The following ZNF841 variants were observed in gnomAD, a reference collection of about 807,000 sequenced individuals.
ZNF841 encodes the protein TCONS_00006091.
Under a neutral mutation model 13.0 loss-of-function variants are expected in ZNF841, and 11 were observed. The observed-to-expected ratio is 0.85, with a 90% CI of 0.53 to 1.40. The LOEUF (loss-of-function observed/expected upper bound fraction) is 1.40. ZNF841 is among the 40% of genes most tolerant of loss of function. The pLI is 0.00. For missense variants in ZNF841, 1,068 were observed against 1,139.5 expected (o/e 0.94, Z 0.90); for synonymous variants, 369 against 381.6 (o/e 0.97, Z 0.38).
chr19:52,095,439 G>A (rs2088637682), intron 1 of ZNF841, 136 bp downstream of exon 1: 1 of 152,262 alleles, frequency 6.6e-6, no homozygotes, highest in African/African-American at 2.4e-5. Context: ...ACTTGGCGCG[G>A]GGCCCAAGCA....
downstream of ZNF841, among the ~76,000 whole-genome samples, chr19:52,061,566 GAC>G (rs2087397551): frequency 1.3e-5 from 2 of 151,398 alleles, no homozygotes; most frequent in African/African-American, 2.4e-5. Context: ...TCTTTTTTGA[GAC>G]AGAGTTTTGC....
Position 52,065,721 on chromosome 19 carries a change from T to C in ZNF841, c.2161A>G (p.Lys721Glu), listed in dbSNP as rs746140267. ...CSECGRTFSHKTSLVYHQRRH... is the reference protein window; with the variant it reads ...CSECGRTFSHETSLVYHQRRH... ...CTCTGATGGTACACCAGACTTGTTT[T>C]ATGACTAAAAGTTCTACCACATTCA... The change falls in exon 7 of 7, where the codon AAA becomes GAA. Residue 721 changes from lysine to glutamate, a missense_variant. Coordinates refer to ENST00000594440, the MANE Select transcript of ZNF841 (RefSeq NM_001136499.2). The C allele has an allele frequency of 1.2e-5, 20 of 1,605,336 alleles. No individual in the cohort carries two copies. The highest frequency in any genetic ancestry group is 1.4e-5 in the Non-Finnish European group (16 of 1,175,344).
chr19:52,094,401 C>T (rs1036185381), intron 1 of ZNF841, among the ~76,000 whole-genome samples: 1 of 152,146 alleles, frequency 6.6e-6, no homozygotes. Context: ...TCATTCTGAG[C>T]GTCTTTTTTT....
intron 6 of ZNF841, among the ~76,000 whole-genome samples, chr19:52,074,853 A>C (rs2087848607): frequency 6.6e-6 from 1 of 152,166 alleles, no homozygotes; most frequent in South Asian, 2.1e-4. Context: ...TGCTAGCTCA[A>C]AAAAGAGGAC....
Position 52,067,203 on chromosome 19 carries a change from A to T in ZNF841, c.679T>A (p.Phe227Ile). ...GAAATGTTGGTTTGGACACCAGGAAAAATTCTTTGAAGTGGTGAAGCTAAA... is the reference window on the plus strand; with the variant it reads ...GAAATGTTGGTTTGGACACCAGGAATAATTCTTTGAAGTGGTGAAGCTAAA... Reference protein sequence around the residue: ...CFLASPLQRIFPGVQTNISRK... With the variant: ...CFLASPLQRIIPGVQTNISRK... The change falls in exon 7 of 7, where the codon TTT becomes ATT. Residue 227 changes from phenylalanine to isoleucine, a missense_variant. By Grantham distance (21) the Phe-to-Ile change is conservative (BLOSUM62 0). Coordinates refer to ENST00000594440, the MANE Select transcript of ZNF841 (RefSeq NM_001136499.2). 6.5e-7 allele frequency: 1 copy of T among 1,550,342 alleles called. No individual in the cohort carries two copies. Among genetic ancestry groups the T allele is most frequent in the Non-Finnish European group, 8.7e-7 (1 of 1,146,580 alleles).
chr19:52,061,536 T>C (rs1426111977), downstream of ZNF841, among the ~76,000 whole-genome samples: 1 of 151,236 alleles, frequency 6.6e-6, no homozygotes, highest in Non-Finnish European at 1.5e-5. Flanking sequence ...TTATAGATGA[T>C]CCCCCCCACT....
At chr19:52,076,207 T>A (rs1357935372) in intron 5 of ZNF841, 35 bp from the exon 6 acceptor site, 1 of 1,544,890 alleles carries the variant, frequency 6.5e-7, no homozygotes, top group Non-Finnish European at 8.7e-7. Flanking sequence ...TGTCCCACGG[T>A]TTTTCCAGAA....
chr19:52,090,659 G>C (rs2088449062), intron 2 of ZNF841, among the ~76,000 whole-genome samples: 1 of 109,036 alleles, frequency 9.2e-6, no homozygotes, highest in South Asian at 3.1e-4. Flanking sequence ...AGGAAGGAAA[G>C]AAAGAAAGAA....
rs1167116252 is a variant in ZNF841, at chr19:52,076,365, C to A, written c.143-193G>T. 6.0e-6 allele frequency: 4 copies of A among 662,762 alleles called. No individual in the cohort carries two copies. The East Asian group carries it at 1.4e-4, about 23-fold the overall frequency. The allele number at this position is 662,762 out of a possible 1,614,324, so 41.1% of individuals were successfully genotyped here. A position where few individuals can be genotyped will look rare whatever the true frequency, so the allele number is the denominator to read the frequency against. On this transcript the variant is annotated intron_variant, in intron 5 of 6. Transcript: ENST00000594440. ...AGCTCTCTCCCAAGAAATACTGAAT[C>A]AAAAACACAGGGATAGGCCAAGCAT...
At chr19:52,094,996 TCA>T (rs2088622427) in intron 1 of ZNF841, among the ~76,000 whole-genome samples, 1 of 152,132 alleles carries the variant, frequency 6.6e-6, no homozygotes, top group African/African-American at 2.4e-5. Flanking sequence ...TCTTTTCTCC[TCA>T]GTTTTTCCTT....
rs760716014 is a variant in ZNF841 at position 52,065,614 on chromosome 19, C to T, written c.2268G>A (p.Arg756=). The T allele has an allele frequency of 8.7e-6, 14 of 1,612,374 alleles. No individual in the cohort carries two copies. The highest frequency in any genetic ancestry group is 1.1e-5 in the Non-Finnish European group (13 of 1,179,236). Residue 756 remains arginine (R), a synonymous_variant, in exon 7 of 7, where the codon CGG becomes CGA. Coordinates refer to ENST00000594440, the MANE Select transcript of ZNF841 (RefSeq NM_001136499.2). ...AAGGTTTCTCTCCAGTATGAATTCT[C>T]CGATGCCTTGCCAGGGTTGTAGTGG... ...FNSTTTLARH[R]RIHTGEKPYK...
At chr19:52,062,977 A>G (rs976727859), downstream of ZNF841, among the ~76,000 whole-genome samples, 1 of 151,242 alleles carries the variant, frequency 6.6e-6, no homozygotes, top group East Asian at 2.0e-4. Flanking sequence ...CCGGGTTCAA[A>G]CAATTCTCAT....
chr19:52,073,959 A>G (rs1458690468), intron 6 of ZNF841, among the ~76,000 whole-genome samples: 1 of 152,234 alleles, frequency 6.6e-6, no homozygotes, highest in East Asian at 1.9e-4. Context: ...TAAGATAGTA[A>G]CTTAAAAAAT....
chr19:52,087,606 C>T (rs1202131463), intron 3 of ZNF841, among the ~76,000 whole-genome samples: 2 of 152,048 alleles, frequency 1.3e-5, no homozygotes, highest in Admixed American at 6.5e-5. Context: ...CCAGACCAAG[C>T]CAGAATGAAG....
At chr19:52,069,932 A>C (rs551867968) in intron 6 of ZNF841, among the ~76,000 whole-genome samples, 1 of 152,246 alleles carries the variant, frequency 6.6e-6, no homozygotes, top group Non-Finnish European at 1.5e-5. Context: ...ACACGTTATT[A>C]AACAAATTTG....
Position 52,065,667 on chromosome 19 carries a change from A to C in ZNF841, c.2215T>G (p.Cys739Gly). The change falls in exon 7 of 7, where the codon TGT becomes GGT. Residue 739 changes from cysteine to glycine, a missense_variant. Cys to Gly is a radical substitution (Grantham distance 159). Coordinates refer to ENST00000594440, the MANE Select transcript of ZNF841 (RefSeq NM_001136499.2). ...TTAAAGACTTTCCCACATTCAATAC[A>C]TTTGTATGGCATCTCTCCAGTATGT... ...RRHTGEMPYK[C>G]IECGKVFNST... The C allele has an allele frequency of 6.2e-7, 1 of 1,604,586 alleles. No individual in the cohort carries two copies.
At chr19:52,068,959 G>A (rs762438202) in intron 6 of ZNF841, among the ~76,000 whole-genome samples, 8 of 152,162 alleles carry the variant, frequency 5.3e-5, no homozygotes, top group South Asian at 2.1e-4. Context: ...GCAACAGAGC[G>A]AGACTGCCTC....
chr19:52,076,514 G>A (rs1379368775), intron 5 of ZNF841: 2 of 297,720 alleles, frequency 6.7e-6, no homozygotes, highest in Non-Finnish European at 1.3e-5. Flanking sequence ...GCATGGTGTT[G>A]CACACCCACA....
intron 3 of ZNF841, among the ~76,000 whole-genome samples, chr19:52,087,075 G>C (rs2088300043): frequency 1.3e-5 from 2 of 152,234 alleles, no homozygotes; most frequent in African/African-American, 4.8e-5. Flanking sequence ...TTTAGGGTCT[G>C]TGTGTGTGCA....
Sources: allele counts gnomAD v4.1 joint callset (sites outside exome capture counted in the v4.1 genomes callset), GRCh38; gene constraint gnomAD v4.1.1; transcripts MANE v1.5; gene names NCBI Gene and HGNC (gene_info 2026-07-23, HGNC 2026-07-21).